Variants in LRRC53 observed in about 807,000 individuals in gnomAD.
LRRC53 encodes the protein leucine-rich repeat-containing protein 53.
A neutral mutation model predicts 13.6 loss-of-function variants in LRRC53; 25 were observed. The observed-to-expected ratio is 1.83, with a 90% confidence interval of 1.34 to 2.56. LRRC53 has a LOEUF of 2.56. Among genes scored for constraint, LRRC53 ranks in the 30% most tolerant of loss-of-function variants. The probability of loss-of-function intolerance (pLI) is 0.00; values close to 1 mark genes in which losing one functional copy is unlikely to be tolerated. For missense variants in LRRC53, 527 were observed against 275.8 expected, an observed-to-expected ratio of 1.91 and a Z score of -6.45; for synonymous variants, 204 against 109.8, an observed-to-expected ratio of 1.86 and a Z score of -5.37.
At chr1:74,525,174 G>A in the LRRC53 span, among the ~76,000 whole-genome samples, 3 of 152,036 alleles carry the variant, frequency 2.0e-5, no homozygotes, top group Non-Finnish European at 1.5e-5. Flanking sequence ...AGTGGAAGAG[G>A]GGAAGGAAAG....
At position 74,492,110 on chromosome 1, in the gene LRRC53, C is replaced by T. The variant is rs201188652; in HGVS notation, c.-26-8735G>A. The T allele has an allele frequency of 1.6e-5, 25 of 1,605,814 alleles. No individual in the cohort carries two copies. The highest frequency in any genetic ancestry group is 1.7e-4 in the Middle Eastern group (1 of 6,042). On this transcript the variant is annotated intron_variant, in intron 1 of 4. Coordinates refer to ENST00000294635, the MANE Select transcript of LRRC53 (RefSeq NM_001382280.1). The stretch of plus-strand genomic sequence containing the variant: ...TCCTCCACTCAGCTGATGTCTCCTG[C>T]ATCAAGTAACAGCAGTGGGTCTCTC...
At chr1:74,497,621 C>G (rs1453796954) in intron 1 of LRRC53, among the ~76,000 whole-genome samples, 1 of 151,486 alleles carries the variant, frequency 6.6e-6, no homozygotes, top group Non-Finnish European at 1.5e-5. Context: ...CACATACATT[C>G]CTCCACACAC....
At chr1:74,489,281 A>C in intron 1 of LRRC53, 1 of 1,597,844 alleles carries the variant, frequency 6.3e-7, no homozygotes, top group Admixed American at 1.8e-5. Context: ...TATGTCCATA[A>C]AAAAGCCCTG....
chr1:74,528,950 G>T, the LRRC53 span, among the ~76,000 whole-genome samples: 3 of 152,142 alleles, frequency 2.0e-5, no homozygotes, highest in South Asian at 4.1e-4. Flanking sequence ...AAAGGAGAAA[G>T]ATACAAAGAA....
intron 1 of LRRC53, among the ~76,000 whole-genome samples, chr1:74,495,204 C>T (rs1290350650): frequency 6.6e-6 from 1 of 152,132 alleles, no homozygotes; most frequent in Non-Finnish European, 1.5e-5. Flanking sequence ...ATGGCATTTC[C>T]CTGAGGATTT....
intron 1 of LRRC53, among the ~76,000 whole-genome samples, chr1:74,502,621 C>T (rs947174910): frequency 1.3e-5 from 2 of 152,190 alleles, no homozygotes; most frequent in African/African-American, 4.8e-5. Flanking sequence ...ACTGAACTAC[C>T]TCGCACTTAA....
chr1:74,483,377 T>C lies in LRRC53; in HGVS notation c.-26-2A>G, dbSNP rs575684930. On this transcript the variant is annotated splice_acceptor_variant, in intron 1 of 4. Transcript: ENST00000294635. LOFTEE classifies it low-confidence loss of function (5UTR_SPLICE). Reference sequence around the variant, plus strand: ...TGGCAAAGAGTACCAGCCATCCACCTGAAAGGAAAGTAGAGGGCAATGTAT... The same window carrying C: ...TGGCAAAGAGTACCAGCCATCCACCCGAAAGGAAAGTAGAGGGCAATGTAT... 3 of 716,966 alleles carry C rather than the reference T, an allele frequency of 4.2e-6. No individual in the cohort carries two copies. The allele number at this position is 716,966 out of a possible 1,614,324, so 44.4% of individuals were successfully genotyped here.
the LRRC53 span, among the ~76,000 whole-genome samples, chr1:74,530,947 G>A: frequency 4.6e-5 from 7 of 152,060 alleles, no homozygotes; most frequent in Non-Finnish European, 8.8e-5. Flanking sequence ...GAGCCATCAA[G>A]GAATTAATAC....
At position 74,489,628 on chromosome 1, in the gene LRRC53, C is replaced by G. The variant is rs45489693; in HGVS notation, c.-26-6253G>C. On this transcript the variant is annotated intron_variant, in intron 1 of 4. Coordinates refer to ENST00000294635, the MANE Select transcript of LRRC53 (RefSeq NM_001382280.1). ...AGCCATTGTTCATTTACATTCAATG[C>G]GAAAAGAAAAATTATCAATAAAATA... Among the ~76,000 whole-genome samples, 1,193 of 152,048 alleles carry G rather than the reference C, an allele frequency of 7.8e-3. 17 individuals are homozygous for G. Among genetic ancestry groups the G allele is most frequent in the African/African-American group, 0.028 (1,157 of 41,496 alleles).
At chr1:74,483,913 T>G (rs1188304128) in intron 1 of LRRC53, among the ~76,000 whole-genome samples, 1 of 152,220 alleles carries the variant, frequency 6.6e-6, no homozygotes, top group South Asian at 2.1e-4. Context: ...GTGAGTATGA[T>G]GTCAAGATTA....
chr1:74,470,699 G>A lies in LRRC53; in HGVS notation c.2923C>T (p.Pro975Ser), dbSNP rs1009222278. 2.5e-6 allele frequency: 1 copy of A among 400,522 alleles called. No homozygotes were observed. Among genetic ancestry groups the A allele is most frequent in the Non-Finnish European group, 4.4e-6 (1 of 226,132 alleles). 24.8% of individuals were successfully genotyped at this position (400,522 alleles called of 1,614,324 possible). A position where few individuals can be genotyped will look rare whatever the true frequency, so the allele number is the denominator to read the frequency against. ...ENKEKTLMTKPQISHQIVENC... is the reference protein window; with the variant it reads ...ENKEKTLMTKSQISHQIVENC... ...TCCACAATTTGATGTGATATTTGGGGTTTTGTCATTAATGTTTTTTCTTTA... is the reference window on the plus strand; with the variant it reads ...TCCACAATTTGATGTGATATTTGGGATTTTGTCATTAATGTTTTTTCTTTA... The change falls in exon 5 of 5, where the codon CCC (proline) becomes TCC (serine). Residue 975 changes from proline (P) to serine (S), a missense_variant. Pro to Ser is a moderately conservative substitution (Grantham distance 74). Coordinates refer to ENST00000294635, the MANE Select transcript of LRRC53 (RefSeq NM_001382280.1).
At chr1:74,508,537 G>T (rs1216432625) in intron 1 of LRRC53, among the ~76,000 whole-genome samples, 1 of 152,182 alleles carries the variant, frequency 6.6e-6, no homozygotes, top group Non-Finnish European at 1.5e-5. Context: ...CTCCACAAAA[G>T]ACAGAGAGAA....
the LRRC53 span, among the ~76,000 whole-genome samples, chr1:74,520,830 G>A: frequency 6.6e-6 from 1 of 152,096 alleles, no homozygotes; most frequent in Admixed American, 6.6e-5. Context: ...GGGCTAAGAA[G>A]CCCCTTATGA....
At chr1:74,516,078 C>A (rs1638743730), upstream of LRRC53, among the ~76,000 whole-genome samples, 1 of 152,162 alleles carries the variant, frequency 6.6e-6, no homozygotes, top group Non-Finnish European at 1.5e-5. Flanking sequence ...TTCTGTGGAT[C>A]TTTGAGTTGG....
chr1:74,498,726 T>TCC lies in LRRC53; in HGVS notation c.-27+13799_-27+13800insGG, dbSNP rs1557608519. Among the ~76,000 whole-genome samples the TCC allele has an allele frequency of 7.0e-4, 106 of 152,218 alleles. 1 individual carries two copies. Among genetic ancestry groups the TCC allele is most frequent in the African/African-American group, 2.4e-3 (101 of 41,498 alleles). ...TAGATATTCCACTACTTTTCCAGTC[T>TCC]TCCCCCCGACTATTAGCACACTAAA... is the stretch of plus-strand genomic sequence containing the variant. On this transcript the variant is annotated intron_variant, in intron 1 of 4. Transcript: ENST00000294635.
chr1:74,534,220 C>A, the LRRC53 span, among the ~76,000 whole-genome samples: 1 of 108,006 alleles, frequency 9.3e-6, no homozygotes, highest in Non-Finnish European at 1.8e-5. Flanking sequence ...TTTAATTTCA[C>A]TCTTAACTTT....
At chr1:74,532,482 A>T in the LRRC53 span, among the ~76,000 whole-genome samples, 1 of 151,208 alleles carries the variant, frequency 6.6e-6, no homozygotes. Context: ...TTTTTATTTT[A>T]TTATTATTAT....
At chr1:74,512,667 C>G (rs1035661893), upstream of LRRC53, 6 of 152,238 alleles carry the variant, frequency 3.9e-5, no homozygotes, top group East Asian at 1.9e-4. Context: ...CACACCACCC[C>G]CTCCTGGCTT....
At chr1:74,485,285 T>G (rs752198101) in intron 1 of LRRC53, among the ~76,000 whole-genome samples, 2 of 152,192 alleles carry the variant, frequency 1.3e-5, no homozygotes, top group Non-Finnish European at 2.9e-5. Context: ...CATTAGGTAA[T>G]TCCAGTCTGA....
Sources: allele counts gnomAD v4.1 joint callset (sites outside exome capture counted in the v4.1 genomes callset), GRCh38; gene constraint gnomAD v4.1.1; transcripts MANE v1.5; gene names NCBI Gene and HGNC (gene_info 2026-07-23, HGNC 2026-07-21).